The following MACROD2 variants were observed in gnomAD, a reference collection of about 807,000 sequenced individuals.
MACROD2 encodes the protein mono-ADP ribosylhydrolase 2, also known as ADP-ribose glycohydrolase MACROD2.
MACROD2 carries 36 observed loss-of-function variants against 70.4 expected under a neutral mutation model. The ratio of observed to expected loss-of-function variants is 0.51; its 90% confidence interval spans 0.39 to 0.68. The LOEUF (loss-of-function observed/expected upper bound fraction) is 0.68, where lower values mean the gene tolerates loss of function less well. MACROD2 is among the 30% of genes least tolerant of loss of function. The pLI, the probability that MACROD2 is intolerant of heterozygous loss-of-function variation, is 0.00. For synonymous variants in MACROD2, 172 were observed against 178.8 expected (o/e 0.96, Z 0.30); for missense variants, 496 against 538.4 (o/e 0.92, Z 0.78).
chr20:15,108,281 A>G (rs1452678140), intron 5 of MACROD2, among the ~76,000 whole-genome samples: 1 of 152,158 alleles, frequency 6.6e-6, no homozygotes, highest in Admixed American at 6.5e-5. Context: ...AGGGTGGCTA[A>G]TGCTGGTTTT....
At chr20:15,712,598 G>A (rs952140618) in intron 8 of MACROD2, among the ~76,000 whole-genome samples, 1 of 152,168 alleles carries the variant, frequency 6.6e-6, no homozygotes, top group Non-Finnish European at 1.5e-5. Context: ...TCTCTATACT[G>A]TGGCTTTATT....
At chr20:15,174,252 T>C (rs960740848) in intron 5 of MACROD2, among the ~76,000 whole-genome samples, 1 of 152,216 alleles carries the variant, frequency 6.6e-6, no homozygotes, top group Admixed American at 6.5e-5. Context: ...TTCTGCTTTC[T>C]TCTATTTGTA....
At chr20:14,226,919 T>G (rs947909679) in intron 3 of MACROD2, among the ~76,000 whole-genome samples, 3 of 152,206 alleles carry the variant, frequency 2.0e-5, no homozygotes, top group African/African-American at 7.2e-5. Flanking sequence ...GGCAGGCATC[T>G]CCACCTGCAG....
intron 10 of MACROD2, chr20:15,892,915 T>G (rs1053781988): frequency 4.0e-5 from 16 of 398,730 alleles, no homozygotes; most frequent in African/African-American, 2.5e-4. Context: ...TATTAAATCT[T>G]CGTGATTCCA....
At chr20:15,921,661 C>T (rs756627884) in intron 10 of MACROD2, among the ~76,000 whole-genome samples, 6 of 152,206 alleles carry the variant, frequency 3.9e-5, no homozygotes, top group Non-Finnish European at 8.8e-5. Context: ...TTCGTTAGCA[C>T]GTATCATGAC....
intron 3 of MACROD2, among the ~76,000 whole-genome samples, chr20:14,263,972 A>AACACACACACACACAC (rs71190124): frequency 7.9e-6 from 1 of 127,106 alleles, no homozygotes; most frequent in Non-Finnish European, 1.6e-5. Flanking sequence ...ACCCTATCTA[A>AACACACACACACACAC]ACACACACAC....
intron 8 of MACROD2, 139 bp from the exon 9 acceptor site, chr20:15,862,606 C>G (rs1241100374): frequency 1.6e-6 from 1 of 632,174 alleles, no homozygotes; most frequent in Non-Finnish European, 2.8e-6. Context: ...GAACTTCACT[C>G]AATGCTATGA....
intron 3 of MACROD2, among the ~76,000 whole-genome samples, chr20:14,332,425 T>C (rs113247152): frequency 0.015 from 2,289 of 152,158 alleles, 21 homozygotes; most frequent in Non-Finnish European, 0.026. Flanking sequence ...ATTTTGGAGG[T>C]GGGAGTGTTA....
intron 10 of MACROD2, among the ~76,000 whole-genome samples, chr20:15,917,877 A>G (rs2065343141): frequency 6.6e-6 from 1 of 151,208 alleles, no homozygotes; most frequent in East Asian, 1.9e-4. Context: ...AAGCTGAAGG[A>G]AGAAACTAAA....
At chr20:15,045,881 C>T (rs529907821) in intron 5 of MACROD2, among the ~76,000 whole-genome samples, 3 of 151,948 alleles carry the variant, frequency 2.0e-5, no homozygotes, top group Non-Finnish European at 2.9e-5. Flanking sequence ...ACTGGCCATC[C>T]GAACAGGAGA....
chr20:14,632,786 C>G (rs1422330938), intron 4 of MACROD2, among the ~76,000 whole-genome samples: 1 of 152,108 alleles, frequency 6.6e-6, no homozygotes, highest in African/African-American at 2.4e-5. Flanking sequence ...AAAATGATCT[C>G]TTATGATAAT....
chr20:15,046,211 A>C (rs1004214645), intron 5 of MACROD2, among the ~76,000 whole-genome samples: 2 of 152,122 alleles, frequency 1.3e-5, no homozygotes, highest in African/African-American at 4.8e-5. Context: ...AAGAAATTCA[A>C]ATAAACTGTT....
chr20:14,016,405 T>A (rs1298918378), intron 2 of MACROD2, among the ~76,000 whole-genome samples: 3 of 152,188 alleles, frequency 2.0e-5, no homozygotes, highest in Non-Finnish European at 4.4e-5. Flanking sequence ...TGAAAAGTTT[T>A]TAATTTTGAT....
At chr20:14,971,433 C>G (rs1568905197) in intron 5 of MACROD2, among the ~76,000 whole-genome samples, 1 of 149,596 alleles carries the variant, frequency 6.7e-6, no homozygotes, top group Non-Finnish European at 1.5e-5. Flanking sequence ...TTCCATTTGA[C>G]ATTAGTAGGT....
intron 3 of MACROD2, among the ~76,000 whole-genome samples, chr20:14,375,926 G>A (rs1404609572): frequency 2.0e-5 from 3 of 152,172 alleles, no homozygotes; most frequent in African/African-American, 4.8e-5. Context: ...CCACTGAAAT[G>A]CTGGTTTTGT....
At chr20:14,646,631 G>T (rs1985408637) in intron 4 of MACROD2, among the ~76,000 whole-genome samples, 1 of 151,666 alleles carries the variant, frequency 6.6e-6, no homozygotes, top group African/African-American at 2.4e-5. Context: ...GTGGGTTTTT[G>T]TTTTTATGTT....
At chr20:14,838,845 C>G (rs558079724) in intron 5 of MACROD2, among the ~76,000 whole-genome samples, 5 of 152,174 alleles carry the variant, frequency 3.3e-5, no homozygotes, top group African/African-American at 1.2e-4. Flanking sequence ...CTACTCCCAC[C>G]CTTTGCCACC....
Position 15,780,890 on chromosome 20 carries a change from T to G in MACROD2, c.646-81855T>G, listed in dbSNP as rs559158926. ...TTTCTGCTCTGAGTGTGTGGGTAGATGGTGACATTATTTACTGAGATGACG... is the reference window on the plus strand; with the variant it reads ...TTTCTGCTCTGAGTGTGTGGGTAGAGGGTGACATTATTTACTGAGATGACG... On this transcript the variant is annotated intron_variant, in intron 8 of 17. Coordinates refer to ENST00000684519, the MANE Select transcript of MACROD2 (RefSeq NM_001351661.2). Among the ~76,000 whole-genome samples, 35 of 152,176 alleles carry G rather than the reference T, an allele frequency of 2.3e-4. No individual in the cohort carries two copies. In the South Asian group the frequency reaches 7.3e-3, roughly 32 times the overall value.
At position 15,050,533 on chromosome 20, in the gene MACROD2, C is replaced by CTTTTTTTTTT. The variant is rs386393390; in HGVS notation, c.419-179390_419-179381dup. On this transcript the variant is annotated intron_variant, in intron 5 of 17. Coordinates refer to ENST00000684519, the MANE Select transcript of MACROD2 (RefSeq NM_001351661.2). ...GTCTTTTTACACTTTCTATTTAGGT[C>CTTTTTTTTTT]TTTTTTTTTTTTTTTTTTTTTTTTT... 3.0e-4 allele frequency among the ~76,000 whole-genome samples: 23 copies of CTTTTTTTTTT among 77,900 alleles called. 4 individuals are homozygous for CTTTTTTTTTT. The highest frequency in any genetic ancestry group is 1.1e-3 in the African/African-American group (18 of 16,048). The allele number at this position is 77,900 out of a possible 152,430, so 51.1% of individuals were successfully genotyped here. A position where few individuals can be genotyped will look rare whatever the true frequency, so the allele number is the denominator to read the frequency against.
Sources: gnomAD v4.1 joint callset for allele counts (sites outside exome capture counted in the v4.1 genomes callset) on GRCh38, gnomAD v4.1.1 for gene constraint, MANE v1.5 for transcripts, NCBI Gene and HGNC (gene_info 2026-07-23, HGNC 2026-07-21) for gene names.